The following MRPS9 variants were observed in gnomAD, a reference collection of about 807,000 sequenced individuals.
MRPS9 encodes small ribosomal subunit protein uS9m.
MRPS9 carries 45 observed loss-of-function variants against 59.9 expected under a neutral mutation model. The observed-to-expected ratio is 0.75, with a 90% CI of 0.59 to 0.96. MRPS9 has a LOEUF of 0.96. Ranked by LOEUF, MRPS9 falls within the 40% of genes least tolerant of loss-of-function variation. The probability of loss-of-function intolerance (pLI) is 0.00; values close to 1 mark genes in which losing one functional copy is unlikely to be tolerated. For synonymous variants in MRPS9, 171 were observed against 166.8 expected, an observed-to-expected ratio of 1.03 and a Z score of -0.19; for missense variants, 473 against 481.1, an observed-to-expected ratio of 0.98 and a Z score of 0.16.
chr2:105,095,652 C>G (rs942323724), intron 9 of MRPS9, among the ~76,000 whole-genome samples: 3 of 151,186 alleles, frequency 2.0e-5, no homozygotes, highest in Non-Finnish European at 2.9e-5. Context: ...CATGCACCAC[C>G]ATGCCTGGCT....
chr2:105,049,094 A>G, intron 1 of MRPS9, 77 bp from the exon 2 acceptor site: 1 of 1,012,488 alleles, frequency 9.9e-7, no homozygotes, highest in South Asian at 1.7e-5. Context: ...TGCATATACT[A>G]TTTTATTTAA....
chr2:105,052,618 T>TA (rs1558751779), intron 2 of MRPS9, among the ~76,000 whole-genome samples: 2 of 152,352 alleles, frequency 1.3e-5, no homozygotes, highest in East Asian at 3.9e-4. Context: ...ATATTGGTAA[T>TA]ACTGGCCTCA....
At chr2:105,072,012 A>G (rs547757666) in intron 4 of MRPS9, among the ~76,000 whole-genome samples, 4 of 152,290 alleles carry the variant, frequency 2.6e-5, no homozygotes, top group Non-Finnish European at 5.9e-5. Context: ...TGTAAAAAAA[A>G]AAAATTGAAG....
At chr2:105,070,697 A>G (rs891024186) in intron 2 of MRPS9, among the ~76,000 whole-genome samples, 7 of 152,250 alleles carry the variant, frequency 4.6e-5, no homozygotes, top group Non-Finnish European at 1.0e-4. Context: ...ATTTGTCATG[A>G]GCACTGGTTA....
intron 4 of MRPS9, among the ~76,000 whole-genome samples, chr2:105,076,757 C>T (rs1246217489): frequency 6.6e-6 from 1 of 152,136 alleles, no homozygotes; most frequent in African/African-American, 2.4e-5. Context: ...TGACAAATTA[C>T]TTATGTTGAA....
chr2:105,047,631 G>A (rs948440758), intron 1 of MRPS9, among the ~76,000 whole-genome samples: 10 of 152,184 alleles, frequency 6.6e-5, no homozygotes, highest in Middle Eastern at 3.4e-3. Flanking sequence ...GTTGGGGCCA[G>A]GATGAAGGTT....
chr2:105,089,357 GC>G (rs1219953235), intron 6 of MRPS9, among the ~76,000 whole-genome samples: 1 of 152,092 alleles, frequency 6.6e-6, no homozygotes, highest in African/African-American at 2.4e-5. Flanking sequence ...CATTTATTTA[GC>G]ATTTGCATGC....
At chr2:105,066,825 A>G (rs894664358) in intron 2 of MRPS9, among the ~76,000 whole-genome samples, 2 of 152,262 alleles carry the variant, frequency 1.3e-5, no homozygotes, top group Admixed American at 6.5e-5. Context: ...GATGGCCCAC[A>G]AGTGCTGTAG....
chr2:105,039,994 G>A (rs1679474582), intron 1 of MRPS9, among the ~76,000 whole-genome samples: 1 of 152,124 alleles, frequency 6.6e-6, no homozygotes, highest in Non-Finnish European at 1.5e-5. Context: ...TCCACCCTTA[G>A]CACTCTTAAG....
intron 7 of MRPS9, chr2:105,091,180 C>G (rs1680550576): frequency 2.4e-6 from 1 of 416,868 alleles, no homozygotes; most frequent in Admixed American, 2.6e-5. Context: ...ATATATGATA[C>G]TTTGTACTTT....
chr2:105,056,732 G>A (rs905602024), intron 2 of MRPS9, among the ~76,000 whole-genome samples: 3 of 152,146 alleles, frequency 2.0e-5, no homozygotes, highest in Non-Finnish European at 2.9e-5. Flanking sequence ...GCTGAATACA[G>A]CATATATAAT....
intron 2 of MRPS9, among the ~76,000 whole-genome samples, chr2:105,063,877 A>G (rs748517946): frequency 2.2e-4 from 33 of 152,320 alleles, no homozygotes; most frequent in Admixed American, 9.8e-4. Context: ...GTGAGAAATT[A>G]TTGACTAAGA....
At chr2:105,042,880 T>G (rs925009349) in intron 1 of MRPS9, among the ~76,000 whole-genome samples, 4 of 152,190 alleles carry the variant, frequency 2.6e-5, no homozygotes, top group Non-Finnish European at 5.9e-5. Context: ...AAAAATAGAA[T>G]AATATAATGA....
chr2:105,090,538 T>C (rs1353692191), intron 7 of MRPS9, among the ~76,000 whole-genome samples: 4 of 152,222 alleles, frequency 2.6e-5, no homozygotes. Flanking sequence ...ACCCTAGATC[T>C]AGCTCAGAAT....
chr2:105,043,440 C>T (rs1204577548), intron 1 of MRPS9, among the ~76,000 whole-genome samples: 1 of 152,108 alleles, frequency 6.6e-6, no homozygotes, highest in Admixed American at 6.6e-5. Flanking sequence ...GGGCACCTGA[C>T]TCAAAGTAAT....
At chr2:105,065,413 A>G (rs745961799) in intron 2 of MRPS9, among the ~76,000 whole-genome samples, 4 of 152,200 alleles carry the variant, frequency 2.6e-5, no homozygotes, top group Non-Finnish European at 5.9e-5. Flanking sequence ...TCATGAATGC[A>G]TGCTATTTTA....
chr2:105,061,276 G>C (rs1365489144), intron 2 of MRPS9, among the ~76,000 whole-genome samples: 1 of 152,138 alleles, frequency 6.6e-6, no homozygotes, highest in Non-Finnish European at 1.5e-5. Flanking sequence ...GTTTTGCGTA[G>C]CCTGGCTTTG....
At chr2:105,041,384 TTAAA>T (rs1025975607) in intron 1 of MRPS9, among the ~76,000 whole-genome samples, 6 of 152,236 alleles carry the variant, frequency 3.9e-5, no homozygotes, top group Non-Finnish European at 7.3e-5. Flanking sequence ...TTCCTAGTGC[TTAAA>T]TATTCAGTTT....
Position 105,097,341 on chromosome 2 carries a change from G to A in MRPS9, c.1099+17G>A. Reference sequence around the variant, plus strand: ...TGAGACAAGGTATGAGTCTAGGTGGGACGGGCATGGTGGCCCAATACTGGC... The same window carrying A: ...TGAGACAAGGTATGAGTCTAGGTGGAACGGGCATGGTGGCCCAATACTGGC... On this transcript the variant is annotated intron_variant, in intron 10 of 10. Transcript: ENST00000258455. 3.2e-6 allele frequency: 5 copies of A among 1,566,450 alleles called. No individual in the cohort carries two copies. The highest frequency in any genetic ancestry group is 4.3e-6 in the Non-Finnish European group (5 of 1,155,328).
Sources: gnomAD v4.1 joint callset for allele counts (sites outside exome capture counted in the v4.1 genomes callset) on GRCh38, gnomAD v4.1.1 for gene constraint, MANE v1.5 for transcripts, NCBI Gene and HGNC (gene_info 2026-07-23, HGNC 2026-07-21) for gene names.